Variants in ADCY2 observed in about 807,000 individuals in gnomAD.
ADCY2 encodes adenylate cyclase 2, also known as adenylate cyclase type 2.
A neutral mutation model predicts 125.2 loss-of-function variants in ADCY2; 31 were observed. That is an observed-to-expected ratio of 0.25 (90% CI 0.19 to 0.33). The LOEUF (loss-of-function observed/expected upper bound fraction) is 0.33. Among genes scored for constraint, ADCY2 ranks in the 10% least tolerant of loss-of-function variants. The pLI, the probability that ADCY2 is intolerant of heterozygous loss-of-function variation, is 1.00. For synonymous variants in ADCY2, 512 were observed against 548.4 expected (o/e 0.93, Z 0.93); for missense variants, 904 against 1,418.2 (o/e 0.64, Z 5.82).
At chr5:7,441,992 G>T (rs1490715695) in intron 2 of ADCY2, among the ~76,000 whole-genome samples, 1 of 152,132 alleles carries the variant, frequency 6.6e-6, no homozygotes, top group African/African-American at 2.4e-5. Flanking sequence ...AACTCTCTCT[G>T]TTTTTCTGGT....
chr5:7,559,017 C>G (rs1339979443), intron 3 of ADCY2, among the ~76,000 whole-genome samples: 1 of 152,096 alleles, frequency 6.6e-6, no homozygotes, highest in African/African-American at 2.4e-5. Flanking sequence ...GTTTTCTATT[C>G]TGTTCCATTG....
chr5:7,789,701 G>A lies in ADCY2; in HGVS notation c.2529G>A (p.Glu843=). 1 of 1,614,044 alleles carries A rather than the reference G, an allele frequency of 6.2e-7. No individual in the cohort carries two copies. Among genetic ancestry groups the A allele is most frequent in the Non-Finnish European group, 8.5e-7 (1 of 1,180,008 alleles). The change falls in exon 20 of 25, where the codon GAG becomes GAA. Residue 843 remains glutamate (E), a synonymous_variant. Coordinates refer to ENST00000338316, the MANE Select transcript of ADCY2 (RefSeq NM_020546.3). ...AGAACAAATTCAAAAAAGAGCGGGA[G>A]GAGATAGAGACCATGGAGAACCTGA... ...LWKNKFKKER[E]EIETMENLNR...
intron 2 of ADCY2, among the ~76,000 whole-genome samples, chr5:7,493,093 T>C (rs1221761810): frequency 6.6e-6 from 1 of 151,994 alleles, no homozygotes; most frequent in Non-Finnish European, 1.5e-5. Context: ...GGCAAAGAGA[T>C]TGCAAACCAT....
intron 4 of ADCY2, among the ~76,000 whole-genome samples, chr5:7,676,472 A>G (rs2126709976): frequency 6.6e-6 from 1 of 151,670 alleles, no homozygotes; most frequent in Non-Finnish European, 1.5e-5. Flanking sequence ...AACCTGTCTA[A>G]TTTTTGTTTA....
At chr5:7,406,636 T>C (rs1739499802) in intron 1 of ADCY2, among the ~76,000 whole-genome samples, 1 of 152,194 alleles carries the variant, frequency 6.6e-6, no homozygotes, top group South Asian at 2.1e-4. Context: ...TTATTTACCA[T>C]CCTCTTAGCT....
chr5:7,461,351 T>C (rs1026614962), intron 2 of ADCY2, among the ~76,000 whole-genome samples: 1 of 152,186 alleles, frequency 6.6e-6, no homozygotes, highest in Non-Finnish European at 1.5e-5. Context: ...ACTGGCAAGC[T>C]CCGCCTCAAT....
chr5:7,776,706 G>A (rs1743739630), intron 18 of ADCY2, among the ~76,000 whole-genome samples: 1 of 152,146 alleles, frequency 6.6e-6, no homozygotes, highest in African/African-American at 2.4e-5. Flanking sequence ...AGTGTGATGG[G>A]CACCACCCAA....
rs147157418 is a variant in ADCY2 at position 7,698,722 on chromosome 5, G to A, written c.1109+348G>A. On this transcript the variant is annotated intron_variant, in intron 7 of 24. Coordinates refer to ENST00000338316, the MANE Select transcript of ADCY2 (RefSeq NM_020546.3). The stretch of plus-strand genomic sequence containing the variant: ...TCCCTGCCAAGGGCATGAACTCATC[G>A]TTTTTTATGGCTGCATAGTATTCCA... Among the ~76,000 whole-genome samples, 68 of 152,222 alleles carry A rather than the reference G, an allele frequency of 4.5e-4. No individual in the cohort carries two copies. In the East Asian group the frequency reaches 0.011, roughly 25 times the overall value.
intron 3 of ADCY2, among the ~76,000 whole-genome samples, chr5:7,615,240 G>A (rs960808758): frequency 2.6e-5 from 4 of 152,096 alleles, no homozygotes; most frequent in Non-Finnish European, 4.4e-5. Context: ...TTTGTGTGGG[G>A]ACACAAATCC....
At chr5:7,539,063 A>G (rs1417675743) in intron 3 of ADCY2, among the ~76,000 whole-genome samples, 3 of 151,878 alleles carry the variant, frequency 2.0e-5, no homozygotes, top group Non-Finnish European at 2.9e-5. Context: ...GGGTTTCACC[A>G]TGTTGGCCAG....
At chr5:7,487,732 G>T (rs1742994224) in intron 2 of ADCY2, among the ~76,000 whole-genome samples, 1 of 152,216 alleles carries the variant, frequency 6.6e-6, no homozygotes, top group East Asian at 1.9e-4. Flanking sequence ...AGGTCATGGT[G>T]CTGGGAGAAG....
chr5:7,808,852 G>C (rs892462177), intron 22 of ADCY2, among the ~76,000 whole-genome samples: 1 of 152,192 alleles, frequency 6.6e-6, no homozygotes, highest in East Asian at 1.9e-4. Flanking sequence ...AATGAAACTT[G>C]TCTTCTTAGT....
At chr5:7,607,531 C>T (rs566662675) in intron 3 of ADCY2, among the ~76,000 whole-genome samples, 78 of 152,324 alleles carry the variant, frequency 5.1e-4, no homozygotes, top group African/African-American at 1.9e-3. Flanking sequence ...TGCTGCACCC[C>T]TGAGGACCCA....
At chr5:7,518,132 A>G (rs1744316178) in intron 2 of ADCY2, among the ~76,000 whole-genome samples, 1 of 152,226 alleles carries the variant, frequency 6.6e-6, no homozygotes, top group Admixed American at 6.5e-5. Flanking sequence ...CCATTCCTAA[A>G]GAAACCTTTC....
At position 7,826,730 on chromosome 5, in the gene ADCY2, G is replaced by A. The variant is rs767956216; in HGVS notation, c.3135G>A (p.Glu1045=). Residue 1045 remains glutamate (E), a synonymous_variant, in exon 25 of 25, where the codon GAG becomes GAA. Transcript: ENST00000338316. ...CCTGTGCCTTCTAGGTTACCGAGGAGACGAGCCTCGTCCTGCAGACCCTCG... is the reference window on the plus strand; with the variant it reads ...CCTGTGCCTTCTAGGTTACCGAGGAAACGAGCCTCGTCCTGCAGACCCTCG... ...GVLDKIQVTE[E]TSLVLQTLGY... is the part of the protein sequence containing the mutation. The A allele has an allele frequency of 5.6e-6, 9 of 1,613,944 alleles. No homozygotes were observed. The Admixed American group carries it at 8.3e-5, about 15-fold the overall frequency.
At chr5:7,707,037 A>G (rs1024928713) in intron 8 of ADCY2, 135 bp downstream of exon 8, 8 of 1,074,750 alleles carry the variant, frequency 7.4e-6, no homozygotes, top group East Asian at 5.2e-5. Context: ...CTCACGCCCA[A>G]CGGCCTCTTA....
intron 17 of ADCY2, among the ~76,000 whole-genome samples, chr5:7,771,253 T>C (rs755827230): frequency 1.3e-5 from 2 of 152,240 alleles, no homozygotes; most frequent in Admixed American, 1.3e-4. Flanking sequence ...CTGTTGATTC[T>C]ATTGTTTTAC....
intron 1 of ADCY2, among the ~76,000 whole-genome samples, chr5:7,411,841 C>T (rs535627899): frequency 9.9e-5 from 15 of 151,982 alleles, no homozygotes; most frequent in Non-Finnish European, 2.1e-4. Context: ...TTTGGGAGGC[C>T]GAGGCGGGCG....
chr5:7,804,764 C>A, intron 22 of ADCY2, 72 bp downstream of exon 22: 1 of 1,125,224 alleles, frequency 8.9e-7, no homozygotes, highest in Non-Finnish European at 1.4e-6. Context: ...GGGACCAAAA[C>A]AGCCATGAAA....
Sources: gnomAD v4.1 joint callset for allele counts (sites outside exome capture counted in the v4.1 genomes callset) on GRCh38, gnomAD v4.1.1 for gene constraint, MANE v1.5 for transcripts, NCBI Gene and HGNC (gene_info 2026-07-23, HGNC 2026-07-21) for gene names.